The following MAP4 variants were observed in gnomAD, a reference collection of about 807,000 sequenced individuals.
MAP4 encodes microtubule associated protein 4, also known as microtubule-associated protein 4.
A neutral mutation model predicts 170.2 loss-of-function variants in MAP4; 76 were observed. The observed-to-expected ratio is 0.45, with a 90% CI of 0.37 to 0.54. The LOEUF (loss-of-function observed/expected upper bound fraction) is 0.54. MAP4 is among the 20% of genes least tolerant of loss of function. The pLI is 0.00. For synonymous variants in MAP4, 909 were observed against 994.5 expected (o/e 0.91, Z 1.62); for missense variants, 2,506 against 2,748.0 (o/e 0.91, Z 1.97).
At chr3:48,084,251 A>G (rs2100147987) in intron 1 of MAP4, among the ~76,000 whole-genome samples, 1 of 151,326 alleles carries the variant, frequency 6.6e-6, no homozygotes, top group South Asian at 2.1e-4. Flanking sequence ...CACAAAAGTT[A>G]GCCAGGTGTG....
chr3:48,044,424 G>C (rs2100123302), intron 1 of MAP4, among the ~76,000 whole-genome samples: 1 of 151,900 alleles, frequency 6.6e-6, no homozygotes, highest in Non-Finnish European at 1.5e-5. Flanking sequence ...CAAAGTGCTG[G>C]GATTACAGGC....
At chr3:48,034,481 T>C (rs1273168916) in intron 1 of MAP4, among the ~76,000 whole-genome samples, 1 of 151,838 alleles carries the variant, frequency 6.6e-6, no homozygotes, top group Non-Finnish European at 1.5e-5. Flanking sequence ...GACAGGTGAA[T>C]TACTTGAGGT....
chr3:47,905,189 G>A (rs990764235), intron 9 of MAP4, among the ~76,000 whole-genome samples: 2 of 152,122 alleles, frequency 1.3e-5, no homozygotes, highest in Admixed American at 1.3e-4. Context: ...AACTCGATAT[G>A]CAAGACATAA....
At chr3:47,903,080 C>A in intron 9 of MAP4, 80 bp from the exon 10 acceptor site, 1 of 419,340 alleles carries the variant, frequency 2.4e-6, no homozygotes, top group Non-Finnish European at 3.2e-6. Context: ...ACAGGGATCC[C>A]AAACTGTCCC....
chr3:47,862,377 A>G (rs1314077499), intron 17 of MAP4, among the ~76,000 whole-genome samples: 2 of 135,312 alleles, frequency 1.5e-5, no homozygotes, highest in Non-Finnish European at 3.1e-5. Flanking sequence ...AAAAAAAAAG[A>G]ATGGAGTGGG....
In MAP4 at chr3:47,936,904, C is replaced by T. The variant is rs373038286; in HGVS notation, c.293-8554G>A. On this transcript the variant is annotated intron_variant, in intron 3 of 20. Coordinates refer to ENST00000683076, the MANE Select transcript of MAP4 (RefSeq NM_001385682.1). ...CTGAGGCAAGAGAACTGCTTGAACC[C>T]GGGAGGTGGAGGTTGCAGTGAGCCA... Among the ~76,000 whole-genome samples, 38 of 150,306 alleles carry T rather than the reference C, an allele frequency of 2.5e-4. No individual in the cohort carries two copies. In the East Asian group the frequency reaches 5.3e-3, roughly 21 times the overall value.
intron 2 of MAP4, among the ~76,000 whole-genome samples, chr3:47,998,062 A>C (rs186616652): frequency 1.3e-5 from 2 of 152,340 alleles, no homozygotes; most frequent in East Asian, 3.9e-4. Context: ...AAAGAAGGGA[A>C]CACTTCCCAA....
chr3:47,952,351 GC>G (rs2100064871), intron 3 of MAP4, among the ~76,000 whole-genome samples: 1 of 152,010 alleles, frequency 6.6e-6, no homozygotes, highest in African/African-American at 2.4e-5. Flanking sequence ...GAAGTGAGGA[GC>G]CCCTCTGCCC....
intron 1 of MAP4, among the ~76,000 whole-genome samples, chr3:48,043,942 G>A (rs977958765): frequency 2.6e-5 from 4 of 151,946 alleles, no homozygotes; most frequent in Non-Finnish European, 2.9e-5. Context: ...ACTTCCTGGG[G>A]TCAAGCGATT....
chr3:47,974,281 C>T (rs916271712), intron 3 of MAP4: 6 of 328,982 alleles, frequency 1.8e-5, no homozygotes, highest in Non-Finnish European at 2.6e-5. Flanking sequence ...CAAAAATTAG[C>T]TGGTGTGGTG....
chr3:47,924,522 C>A (rs888333195), intron 4 of MAP4, among the ~76,000 whole-genome samples: 2 of 152,220 alleles, frequency 1.3e-5, no homozygotes, highest in Non-Finnish European at 2.9e-5. Context: ...CTCTTTTTCA[C>A]ACACCACAGC....
chr3:48,066,232 G>C (rs1170083820), intron 1 of MAP4, among the ~76,000 whole-genome samples: 5 of 152,128 alleles, frequency 3.3e-5, no homozygotes. Context: ...TTCCTCCCCA[G>C]TATCTCTAAA....
chr3:47,990,906 G>A (rs2100091759), intron 2 of MAP4, among the ~76,000 whole-genome samples: 1 of 152,172 alleles, frequency 6.6e-6, no homozygotes, highest in Non-Finnish European at 1.5e-5. Context: ...AAGTATTTGA[G>A]AATTGTTTCC....
Position 47,977,853 on chromosome 3 carries a change from G to A in MAP4, c.292+12C>T, listed in dbSNP as rs373937980. On this transcript the variant is annotated intron_variant, in intron 3 of 20. Transcript: ENST00000683076. The stretch of plus-strand genomic sequence containing the variant: ...TCACCTACACATTTGGGGAATCCTG[G>A]GAATCACTTACCTGTAGTATCGCTC... The A allele has an allele frequency of 1.9e-5, 31 of 1,597,804 alleles. No individual in the cohort carries two copies. Among genetic ancestry groups the A allele is most frequent in the Non-Finnish European group, 2.4e-5 (28 of 1,166,146 alleles).
intron 1 of MAP4, among the ~76,000 whole-genome samples, chr3:48,056,880 T>C (rs2100132216): frequency 2.7e-5 from 3 of 109,612 alleles, no homozygotes; most frequent in African/African-American, 7.4e-5. Context: ...AGCCACCCCG[T>C]CCGGGAGGTG....
In MAP4 at chr3:47,916,801, T is replaced by C; in HGVS notation, c.1026A>G (p.Val342=). The part of the protein sequence containing the change: ...KNVVLPTETE[V]APAKDVTLLK... ...ACAGTGTCACATCCTTGGCTGGGGC[T>C]ACCTCTGTTTCTGTGGGCAGTACCA... The change falls in exon 7 of 21, where the codon GTA becomes GTG. Residue 342 remains valine (V), a synonymous_variant. Transcript: ENST00000683076. The C allele has an allele frequency of 6.2e-7, 1 of 1,614,262 alleles. No individual in the cohort carries two copies. The highest frequency in any genetic ancestry group is 8.5e-7 in the Non-Finnish European group (1 of 1,180,046).
intron 10 of MAP4, among the ~76,000 whole-genome samples, chr3:47,880,360 G>A (rs376595284): frequency 1.7e-4 from 25 of 147,780 alleles, no homozygotes; most frequent in Non-Finnish European, 2.7e-4. Context: ...CACCTGCCTC[G>A]GCCTCCCAAA....
chr3:47,867,406 G>T, intron 16 of MAP4, 68 bp from the exon 17 acceptor site: 1 of 1,012,266 alleles, frequency 9.9e-7, no homozygotes, highest in Non-Finnish European at 1.6e-6. Context: ...CACAGGGAAG[G>T]CAGTGAGTCC....
At chr3:48,027,762 C>T (rs1053841386) in intron 1 of MAP4, among the ~76,000 whole-genome samples, 1 of 151,970 alleles carries the variant, frequency 6.6e-6, no homozygotes, top group Non-Finnish European at 1.5e-5. Flanking sequence ...CGTTTGAGCC[C>T]GGGAGGTCAA....
Sources: allele counts gnomAD v4.1 joint callset (sites outside exome capture counted in the v4.1 genomes callset), GRCh38; gene constraint gnomAD v4.1.1; transcripts MANE v1.5; gene names NCBI Gene and HGNC (gene_info 2026-07-23, HGNC 2026-07-21).